Variants in ACO2 observed in about 807,000 individuals in gnomAD.
ACO2 encodes the protein aconitase 2.
Under a neutral mutation model 84.5 loss-of-function variants are expected in ACO2, and 31 were observed. That is an observed-to-expected ratio of 0.37 (90% CI 0.28 to 0.50). ACO2 has a LOEUF of 0.50. Among genes scored for constraint, ACO2 ranks in the 20% least tolerant of loss-of-function variants. The pLI is 0.97. For missense variants in ACO2, 685 were observed against 1,029.3 expected, an observed-to-expected ratio of 0.67 and a Z score of 4.58; for synonymous variants, 414 against 412.7, an observed-to-expected ratio of 1.00 and a Z score of -0.04.
At chr22:41,509,995 C>G (rs1341356428) in intron 3 of ACO2, among the ~76,000 whole-genome samples, 5 of 151,900 alleles carry the variant, frequency 3.3e-5, no homozygotes, top group Non-Finnish European at 5.9e-5. Context: ...ACCACCATAC[C>G]TGGCTAATTT....
chr22:41,525,041 C>T (rs1387836533), intron 13 of ACO2, 73 bp downstream of exon 13: 1 of 1,610,836 alleles, frequency 6.2e-7, no homozygotes, highest in African/African-American at 1.3e-5. Flanking sequence ...CACAGCACCT[C>T]CTGTGCAGGC....
intron 2 of ACO2, among the ~76,000 whole-genome samples, chr22:41,506,091 T>C (rs1216576894): frequency 3.9e-5 from 6 of 151,990 alleles, no homozygotes; most frequent in Admixed American, 6.6e-5. Flanking sequence ...TTTTTTTGTT[T>C]GTTTGTTTTT....
intron 1 of ACO2, among the ~76,000 whole-genome samples, chr22:41,477,891 C>A (rs1373154529): frequency 6.6e-6 from 1 of 151,846 alleles, no homozygotes; most frequent in Non-Finnish European, 1.5e-5. Flanking sequence ...GTAGTGAAAC[C>A]CCGTCTCTAC....
At chr22:41,483,561 G>A (rs996915293) in intron 1 of ACO2, among the ~76,000 whole-genome samples, 8 of 151,988 alleles carry the variant, frequency 5.3e-5, no homozygotes, top group Non-Finnish European at 1.0e-4. Flanking sequence ...GCAGGCTGAG[G>A]CAGGAGAATC....
chr22:41,495,690 G>A (rs1209469689), intron 1 of ACO2, among the ~76,000 whole-genome samples: 5 of 149,036 alleles, frequency 3.4e-5, no homozygotes, highest in African/African-American at 1.2e-4. Flanking sequence ...ATGTGATCTC[G>A]GCTCACTGCA....
At chr22:41,527,758 A>G in intron 16 of ACO2, 143 bp from the exon 17 acceptor site, 1 of 1,371,294 alleles carries the variant, frequency 7.3e-7, no homozygotes, top group Non-Finnish European at 9.9e-7. Flanking sequence ...GAAAGGGAGC[A>G]GACCAGGGCC....
Position 41,523,981 on chromosome 22 carries a change from T to G in ACO2, c.1482+40T>G, listed in dbSNP as rs764516597. ...CTGCGCACAAGCCTGGGATGGCCTC[T>G]GGGGGTCCCTGGCGGGTCAGAGGAG... On this transcript the variant is annotated intron_variant, in intron 12 of 17. Transcript: ENST00000216254. 4 of 1,577,482 alleles carry G rather than the reference T, an allele frequency of 2.5e-6. No homozygotes were observed. In the South Asian group the frequency reaches 3.3e-5, roughly 13 times the overall value.
chr22:41,504,581 G>C (rs994944757), intron 2 of ACO2, among the ~76,000 whole-genome samples: 1 of 152,122 alleles, frequency 6.6e-6, no homozygotes, highest in Non-Finnish European at 1.5e-5. Context: ...GTCATTGCCC[G>C]TACACCAGCC....
At chr22:41,484,975 A>G (rs1003228941) in intron 1 of ACO2, among the ~76,000 whole-genome samples, 3 of 150,294 alleles carry the variant, frequency 2.0e-5, no homozygotes, top group Non-Finnish European at 3.0e-5. Flanking sequence ...CCCGGGTTCA[A>G]GTGATTCTCC....
At chr22:41,505,368 A>G (rs1221552475) in intron 2 of ACO2, among the ~76,000 whole-genome samples, 1 of 152,032 alleles carries the variant, frequency 6.6e-6, no homozygotes, top group Non-Finnish European at 1.5e-5. Flanking sequence ...AGTGAGCTAC[A>G]ATTGTGCCAC....
At chr22:41,503,262 T>C (rs575118592) in intron 2 of ACO2, among the ~76,000 whole-genome samples, 1 of 146,930 alleles carries the variant, frequency 6.8e-6, no homozygotes, top group East Asian at 2.0e-4. Flanking sequence ...AATTTTTTTC[T>C]TTTTTTTTTT....
chr22:41,503,447 C>T (rs780719187), intron 2 of ACO2, among the ~76,000 whole-genome samples: 5 of 152,114 alleles, frequency 3.3e-5, no homozygotes, highest in Non-Finnish European at 7.4e-5. Flanking sequence ...TCTCCTGCCT[C>T]AGCCTCCCGA....
intron 2 of ACO2, among the ~76,000 whole-genome samples, chr22:41,506,374 T>G (rs988192196): frequency 2.0e-5 from 3 of 152,062 alleles, no homozygotes; most frequent in Non-Finnish European, 2.9e-5. Flanking sequence ...TGCCTCAGCC[T>G]CCCGAGTAGC....
chr22:41,528,286 C>T (rs2066646396), intron 17 of ACO2, 193 bp from the exon 18 acceptor site: 1 of 887,860 alleles, frequency 1.1e-6, no homozygotes, highest in Non-Finnish European at 1.7e-6. Flanking sequence ...CTGCAGGACC[C>T]TCTGGGCCCC....
In ACO2 at chr22:41,515,596, C is replaced by T. The variant is rs1233932555; in HGVS notation, c.684+61C>T. 12 of 1,576,644 alleles carry T rather than the reference C, an allele frequency of 7.6e-6. No homozygotes were observed. Among genetic ancestry groups the T allele is most frequent in the East Asian group, 2.2e-5 (1 of 44,498 alleles). On this transcript the variant is annotated intron_variant, in intron 5 of 17. Transcript: ENST00000216254. This position sits in a 1 kb window ranked among gnomAD's most constrained non-coding sequence, Gnocchi z 5.8. ...TGGGGTGGTGGTTGGTGGGGATGAA[C>T]GGGAGACGGTGGGACCCAGGAGGGA...
intron 2 of ACO2, among the ~76,000 whole-genome samples, chr22:41,504,712 T>C (rs7290434): frequency 0.022 from 2,422 of 107,810 alleles, 434 homozygotes; most frequent in African/African-American, 0.086. Flanking sequence ...CCTTAGGGAC[T>C]TTTTTTTTTT....
intron 1 of ACO2, among the ~76,000 whole-genome samples, chr22:41,475,097 C>A (rs184643223): frequency 1.3e-5 from 2 of 150,890 alleles, no homozygotes; most frequent in African/African-American, 4.9e-5. Context: ...TATTGTGAAA[C>A]CTGGTGTGTG....
chr22:41,528,778 G>C lies in ACO2; in HGVS notation c.*165G>C, dbSNP rs2066660170. ...GAGTGACTGTGGTTGTGGTGGGGGG[G>C]TTCTTAAAATAACTTTTTAGCCCCC... is the stretch of plus-strand genomic sequence containing the variant. On this transcript the variant is annotated 3_prime_UTR_variant, in exon 18 of 18. Coordinates refer to ENST00000216254, the MANE Select transcript of ACO2 (RefSeq NM_001098.3). 1 of 1,034,694 alleles carries C rather than the reference G, an allele frequency of 9.7e-7. No individual in the cohort carries two copies. The highest frequency in any genetic ancestry group is 1.8e-5 in the South Asian group (1 of 56,950). 64.1% of individuals were successfully genotyped at this position (1,034,694 alleles called of 1,614,324 possible).
chr22:41,483,967 G>A (rs1035603732), intron 1 of ACO2, among the ~76,000 whole-genome samples: 10 of 152,176 alleles, frequency 6.6e-5, no homozygotes, highest in South Asian at 4.1e-4. Context: ...AGGAGATGAC[G>A]AGGCTGGTGG....
Sources: gnomAD v4.1 joint callset for allele counts (sites outside exome capture counted in the v4.1 genomes callset) on GRCh38, gnomAD v4.1.1 for gene constraint, Gnocchi (gnomAD v3.1) non-coding constraint, MANE v1.5 for transcripts, NCBI Gene and HGNC (gene_info 2026-07-23, HGNC 2026-07-21) for gene names.